PHACTR1: variants seen among roughly 807,000 people sequenced by gnomAD.
PHACTR1 encodes the protein RPEL repeat containing 1.
A neutral mutation model predicts 69.2 loss-of-function variants in PHACTR1; 16 were observed. The observed-to-expected ratio is 0.23, with a 90% CI of 0.16 to 0.35. The LOEUF is 0.35. Among genes scored for constraint, PHACTR1 ranks in the 10% least tolerant of loss-of-function variants. The pLI, the probability that PHACTR1 is intolerant of heterozygous loss-of-function variation, is 1.00. For missense variants in PHACTR1, 510 were observed against 734.7 expected, an observed-to-expected ratio of 0.69 and a Z score of 3.54; for synonymous variants, 312 against 284.5, an observed-to-expected ratio of 1.10 and a Z score of -0.97.
At chr6:12,830,424 C>T (rs192506581) in intron 4 of PHACTR1, among the ~76,000 whole-genome samples, 2 of 151,732 alleles carry the variant, frequency 1.3e-5, no homozygotes, top group Non-Finnish European at 2.9e-5. Context: ...TTTAAGCTCA[C>T]CTTGATGAAT....
chr6:12,780,661 A>C (rs753639702), intron 4 of PHACTR1, among the ~76,000 whole-genome samples: 1 of 152,178 alleles, frequency 6.6e-6, no homozygotes, highest in Non-Finnish European at 1.5e-5. Flanking sequence ...ACATGCTCAA[A>C]CCAGGTGCTT....
chr6:13,148,763 T>A (rs1300618246), intron 5 of PHACTR1, among the ~76,000 whole-genome samples: 1 of 152,156 alleles, frequency 6.6e-6, no homozygotes, highest in Non-Finnish European at 1.5e-5. Flanking sequence ...CTAATAGAAA[T>A]GAAATCAAAA....
intron 4 of PHACTR1, among the ~76,000 whole-genome samples, chr6:13,017,694 G>A (rs998765241): frequency 6.6e-6 from 1 of 152,002 alleles, no homozygotes; most frequent in Admixed American, 6.5e-5. Flanking sequence ...GTGTGCATTT[G>A]AACTCCTTTT....
chr6:13,178,454 CA>C (rs1164986106), intron 6 of PHACTR1, among the ~76,000 whole-genome samples: 2 of 152,230 alleles, frequency 1.3e-5, no homozygotes, highest in Non-Finnish European at 2.9e-5. Flanking sequence ...CCCTGACCAG[CA>C]AAAGGAGCAC....
chr6:12,893,133 T>A (rs945325840), intron 4 of PHACTR1, among the ~76,000 whole-genome samples: 1 of 152,200 alleles, frequency 6.6e-6, no homozygotes, highest in African/African-American at 2.4e-5. Context: ...CTGGGCCATG[T>A]GAGACACTTT....
chr6:13,136,701 T>C (rs1485763114), intron 5 of PHACTR1, among the ~76,000 whole-genome samples: 2 of 152,228 alleles, frequency 1.3e-5, no homozygotes, highest in Admixed American at 1.3e-4. Flanking sequence ...CACTTGAGCA[T>C]TTAGAGATCT....
intron 4 of PHACTR1, among the ~76,000 whole-genome samples, chr6:12,763,779 A>G (rs1285543552): frequency 6.6e-6 from 1 of 152,242 alleles, no homozygotes; most frequent in Non-Finnish European, 1.5e-5. Flanking sequence ...TTATTTGCAC[A>G]AAATTATGCA....
intron 10 of PHACTR1, among the ~76,000 whole-genome samples, chr6:13,241,582 A>G (rs1478851772): frequency 6.6e-6 from 1 of 152,214 alleles, no homozygotes; most frequent in African/African-American, 2.4e-5. Context: ...GTCAAGCCTT[A>G]GTTTCCACAT....
At chr6:12,995,739 G>A (rs1479973375) in intron 4 of PHACTR1, among the ~76,000 whole-genome samples, 2 of 151,902 alleles carry the variant, frequency 1.3e-5, no homozygotes, top group Non-Finnish European at 2.9e-5. Flanking sequence ...CTCCAAATAT[G>A]AAATGCATAA....
At chr6:13,218,821 A>G (rs1768086584) in intron 8 of PHACTR1, among the ~76,000 whole-genome samples, 1 of 146,218 alleles carries the variant, frequency 6.8e-6, no homozygotes, top group African/African-American at 2.6e-5. Context: ...AAGGAGGAGG[A>G]GGAGGAGAAA....
chr6:12,988,148 T>G (rs1299558394), intron 4 of PHACTR1, among the ~76,000 whole-genome samples: 1 of 152,192 alleles, frequency 6.6e-6, no homozygotes, highest in South Asian at 2.1e-4. Context: ...TATTGGAAAT[T>G]GAATGCCTTA....
chr6:13,189,164 A>G (rs2113763364), intron 7 of PHACTR1, among the ~76,000 whole-genome samples: 1 of 152,346 alleles, frequency 6.6e-6, no homozygotes, highest in South Asian at 2.1e-4. Flanking sequence ...AGATGTTCAC[A>G]TTTGGGTAAT....
intron 5 of PHACTR1, among the ~76,000 whole-genome samples, chr6:13,072,463 A>G (rs1055211554): frequency 7.7e-6 from 1 of 129,518 alleles, no homozygotes; most frequent in Non-Finnish European, 1.8e-5. Context: ...CTTATACATT[A>G]TGATCATTTA....
intron 5 of PHACTR1, among the ~76,000 whole-genome samples, chr6:13,123,791 A>T (rs987542572): frequency 6.6e-6 from 1 of 152,196 alleles, no homozygotes; most frequent in Admixed American, 6.5e-5. Context: ...CTCCCATCAC[A>T]TTCCCTTGTG....
At chr6:13,153,580 C>G (rs1757762128) in intron 5 of PHACTR1, among the ~76,000 whole-genome samples, 1 of 152,116 alleles carries the variant, frequency 6.6e-6, no homozygotes, top group Non-Finnish European at 1.5e-5. Context: ...GTCTTTGCAC[C>G]TTTGCTGGTT....
chr6:12,808,615 T>C (rs1774630210), intron 4 of PHACTR1, among the ~76,000 whole-genome samples: 1 of 152,152 alleles, frequency 6.6e-6, no homozygotes, highest in Admixed American at 6.5e-5. Context: ...AAGATGAAGA[T>C]TTAAAAAATC....
At chr6:12,896,364 G>T (rs372391539) in intron 4 of PHACTR1, among the ~76,000 whole-genome samples, 3 of 152,166 alleles carry the variant, frequency 2.0e-5, no homozygotes, top group African/African-American at 7.2e-5. Context: ...ATTTGTTAGG[G>T]TGTTTCTTCT....
intron 4 of PHACTR1, chr6:12,933,875 G>T (rs1330020048): frequency 6.2e-7 from 1 of 1,612,632 alleles, no homozygotes; most frequent in South Asian, 1.1e-5. Flanking sequence ...GCCTTTAGAG[G>T]GGGAAGAGTT....
chr6:12,863,853 C>T (rs1482038011), intron 4 of PHACTR1, among the ~76,000 whole-genome samples: 2 of 126,268 alleles, frequency 1.6e-5, no homozygotes, highest in Non-Finnish European at 3.6e-5. Flanking sequence ...TGTAGATCCA[C>T]AGGAGCAACA....
Sources: gnomAD v4.1 joint callset for allele counts (sites outside exome capture counted in the v4.1 genomes callset) on GRCh38, gnomAD v4.1.1 for gene constraint, MANE v1.5 for transcripts, NCBI Gene and HGNC (gene_info 2026-07-23, HGNC 2026-07-21) for gene names.